Variants in LRP1B observed in about 807,000 individuals in gnomAD.
LRP1B encodes low-density lipoprotein receptor-related protein 1B.
LRP1B carries 217 observed loss-of-function variants against 556.6 expected under a neutral mutation model. The ratio of observed to expected loss-of-function variants is 0.39; its 90% CI spans 0.35 to 0.44. The LOEUF is 0.44. Ranked by LOEUF, LRP1B falls within the 20% of genes least tolerant of loss-of-function variation. LRP1B has a pLI of 1.00. For missense variants in LRP1B, 5,053 were observed against 5,620.8 expected (o/e 0.90, Z 3.23); for synonymous variants, 2,047 against 1,865.8 (o/e 1.10, Z -2.50).
At chr2:141,504,190 G>A (rs1055106442) in intron 2 of LRP1B, among the ~76,000 whole-genome samples, 8 of 152,124 alleles carry the variant, frequency 5.3e-5, no homozygotes, top group African/African-American at 7.2e-5. Context: ...GCCTGCTTTC[G>A]AAGATGAATT....
At chr2:140,811,331 C>T (rs1690917267) in intron 32 of LRP1B, among the ~76,000 whole-genome samples, 1 of 151,916 alleles carries the variant, frequency 6.6e-6, no homozygotes, top group Admixed American at 6.6e-5. Flanking sequence ...TTTTTTGATA[C>T]TATATTTACA....
chr2:141,778,580 A>G (rs1466630708), intron 2 of LRP1B, among the ~76,000 whole-genome samples: 1 of 151,636 alleles, frequency 6.6e-6, no homozygotes, highest in Non-Finnish European at 1.5e-5. Flanking sequence ...GCCATTTCCT[A>G]TCTCAGAACA....
At chr2:141,536,413 G>C (rs557692746) in intron 2 of LRP1B, among the ~76,000 whole-genome samples, 5 of 151,954 alleles carry the variant, frequency 3.3e-5, no homozygotes, top group African/African-American at 1.2e-4. Flanking sequence ...TTATAAGCTT[G>C]CATGATGAAA....
chr2:141,872,089 C>A (rs1698607703), intron 1 of LRP1B, among the ~76,000 whole-genome samples: 1 of 151,860 alleles, frequency 6.6e-6, no homozygotes, highest in Non-Finnish European at 1.5e-5. Context: ...AGCTACCCTT[C>A]AGCCTAAAGA....
chr2:141,452,151 A>T (rs1453219211), intron 3 of LRP1B, among the ~76,000 whole-genome samples: 1 of 152,192 alleles, frequency 6.6e-6, no homozygotes, highest in African/African-American at 2.4e-5. Context: ...TAACTGTACA[A>T]AATTATTCCC....
At chr2:141,458,644 AT>A (rs35918601) in intron 3 of LRP1B, among the ~76,000 whole-genome samples, 35,994 of 150,712 alleles carry the variant, frequency 0.24, 5,344 homozygotes, top group East Asian at 0.52. Context: ...TCCCTATCTC[AT>A]TTTTTTTTTA....
intron 2 of LRP1B, among the ~76,000 whole-genome samples, chr2:141,746,917 T>C (rs1693935088): frequency 6.6e-6 from 1 of 152,100 alleles, no homozygotes; most frequent in Non-Finnish European, 1.5e-5. Context: ...TGCTTGCAAA[T>C]AACAATGACT....
At chr2:141,995,541 T>A (rs899361744) in intron 1 of LRP1B, among the ~76,000 whole-genome samples, 1 of 152,174 alleles carries the variant, frequency 6.6e-6, no homozygotes, top group African/African-American at 2.4e-5. Context: ...AATTCCCTTT[T>A]ACCTTTTAAT....
In LRP1B at chr2:141,480,906, T is replaced by C. The variant is rs758976317; in HGVS notation, c.206-373A>G. 4.6e-5 allele frequency among the ~76,000 whole-genome samples: 7 copies of C among 152,284 alleles called. No homozygotes were observed. In the South Asian group the frequency reaches 8.3e-4, roughly 18 times the overall value. On this transcript the variant is annotated intron_variant, in intron 2 of 90. Transcript: ENST00000389484. Reference sequence around the variant, plus strand: ...TCTCAATTTCCTCAGCTGTAAACTATGGATAATGGTTCTCCGCAGATCTCT... The same window carrying C: ...TCTCAATTTCCTCAGCTGTAAACTACGGATAATGGTTCTCCGCAGATCTCT...
intron 3 of LRP1B, among the ~76,000 whole-genome samples, chr2:141,367,527 G>A (rs978127133): frequency 1.6e-5 from 2 of 123,456 alleles, no homozygotes; most frequent in Non-Finnish European, 3.2e-5. Context: ...CTGTCACCCA[G>A]GCTGGAGGGC....
chr2:140,936,363 GAAAGGAAA>G (rs1372977578), intron 20 of LRP1B, among the ~76,000 whole-genome samples: 4 of 91,152 alleles, frequency 4.4e-5, no homozygotes, highest in African/African-American at 1.8e-4. Context: ...AAAAAAAAAA[GAAAGGAAA>G]AAAGAAAAGA....
intron 1 of LRP1B, among the ~76,000 whole-genome samples, chr2:142,053,493 TAC>T (rs1009447481): frequency 1.3e-5 from 2 of 152,008 alleles, no homozygotes; most frequent in African/African-American, 2.4e-5. Context: ...TATATATATA[TAC>T]ACACATGTAA....
chr2:141,835,729 TGAAA>T (rs1262215743), intron 1 of LRP1B, among the ~76,000 whole-genome samples: 5 of 151,912 alleles, frequency 3.3e-5, no homozygotes, highest in African/African-American at 1.2e-4. Flanking sequence ...AGGACATTAC[TGAAA>T]GAAAGCTGAG....
At chr2:140,642,749 C>A (rs1053439993) in intron 41 of LRP1B, among the ~76,000 whole-genome samples, 1 of 152,136 alleles carries the variant, frequency 6.6e-6, no homozygotes, top group Non-Finnish European at 1.5e-5. Context: ...GAGGCTGAGG[C>A]AGGAGAATGG....
chr2:141,857,333 C>T (rs1698086173), intron 1 of LRP1B, among the ~76,000 whole-genome samples: 1 of 151,830 alleles, frequency 6.6e-6, no homozygotes, highest in African/African-American at 2.4e-5. Flanking sequence ...TTTCCCTCTC[C>T]ATTTTATTTT....
rs117705659 is a variant in LRP1B at position 140,890,940 on chromosome 2, T to C, written c.3767-4605A>G. Among the ~76,000 whole-genome samples the C allele has an allele frequency of 7.5e-3, 1,139 of 152,202 alleles. 31 individuals carry two copies. Among genetic ancestry groups the C allele is most frequent in the Admixed American group, 0.051 (786 of 15,284 alleles). On this transcript the variant is annotated intron_variant, in intron 23 of 90. Coordinates refer to ENST00000389484, the MANE Select transcript of LRP1B (RefSeq NM_018557.3). ...TAACATCTTTTGTGGCAACTCAATT[T>C]AGAATGAATATAAATAATATGTGAA...
rs16846627 is a variant in LRP1B at position 141,618,955 on chromosome 2, C to T, written c.206-138422G>A. On this transcript the variant is annotated intron_variant, in intron 2 of 90. Transcript: ENST00000389484. ...TGGTAGCAAGACAGAAACAAACTTA[C>T]GGAGTTCAAGTGAATTGCATTAAAG... Among the ~76,000 whole-genome samples the T allele has an allele frequency of 2.8e-3, 426 of 152,250 alleles. 1 individual carries two copies. The highest frequency in any genetic ancestry group is 9.3e-3 in the African/African-American group (387 of 41,528).
chr2:140,927,102 C>T (rs527303069), intron 20 of LRP1B, among the ~76,000 whole-genome samples: 12 of 152,228 alleles, frequency 7.9e-5, no homozygotes, highest in East Asian at 1.9e-4. Context: ...AGTCAGAGTT[C>T]GAGACCAGCC....
intron 31 of LRP1B, among the ~76,000 whole-genome samples, chr2:140,817,509 C>T (rs1691165395): frequency 6.6e-6 from 1 of 151,512 alleles, no homozygotes; most frequent in Non-Finnish European, 1.5e-5. Flanking sequence ...TTTAAATAGG[C>T]CAGTTTAATT....
Sources: allele counts gnomAD v4.1 joint callset (sites outside exome capture counted in the v4.1 genomes callset), GRCh38; gene constraint gnomAD v4.1.1; transcripts MANE v1.5; gene names NCBI Gene and HGNC (gene_info 2026-07-23, HGNC 2026-07-21).